IBTK: variants seen among roughly 807,000 people sequenced by gnomAD.
The protein encoded by IBTK is inhibitor of Bruton tyrosine kinase, also known as BTK-binding protein.
In IBTK, 83 loss-of-function variants were observed where a neutral mutation model predicts 154.9. That is an observed-to-expected ratio of 0.54 (90% CI 0.45 to 0.64). IBTK has a LOEUF of 0.64. IBTK is among the 30% of genes least tolerant of loss of function. IBTK has a pLI of 0.00. For synonymous variants in IBTK, 515 were observed against 536.1 expected (o/e 0.96, Z 0.54); for missense variants, 1,332 against 1,584.6 (o/e 0.84, Z 2.71).
At chr6:82,218,255 T>C (rs1176759078) in intron 9 of IBTK, 118 bp from the exon 10 acceptor site, 1 of 561,190 alleles carries the variant, frequency 1.8e-6, no homozygotes. Context: ...TTAGTATGTT[T>C]CAATGTTTAT....
intron 1 of IBTK, 71 bp downstream of exon 1, chr6:82,247,491 T>C: frequency 2.5e-6 from 1 of 398,270 alleles, no homozygotes; most frequent in Non-Finnish European, 4.4e-6. Flanking sequence ...AGAAGGCGAA[T>C]ACTCTCCCCC....
chr6:82,220,493 A>G, intron 9 of IBTK, 97 bp downstream of exon 9: 1 of 1,248,690 alleles, frequency 8.0e-7, no homozygotes, highest in South Asian at 1.7e-5. Flanking sequence ...AGTCAATAGG[A>G]ATTGTCACTA....
At chr6:82,244,135 G>A (rs1002153212) in intron 1 of IBTK, among the ~76,000 whole-genome samples, 6 of 152,156 alleles carry the variant, frequency 3.9e-5, no homozygotes, top group African/African-American at 1.4e-4. Context: ...ACTTCACATG[G>A]TTACTATAAT....
At chr6:82,203,145 A>G (rs376650877) in intron 17 of IBTK, among the ~76,000 whole-genome samples, 2 of 152,164 alleles carry the variant, frequency 1.3e-5, no homozygotes, top group East Asian at 3.8e-4. Context: ...ATGTAAGTAT[A>G]TAAATATATA....
intron 21 of IBTK, 103 bp from the exon 22 acceptor site, chr6:82,196,549 T>C (rs1307162791): frequency 2.1e-5 from 11 of 522,306 alleles, no homozygotes; most frequent in Non-Finnish European, 3.1e-5. Context: ...TATCCAGATT[T>C]AATAACATTC....
chr6:82,229,195 C>G (rs1474864094), intron 4 of IBTK, among the ~76,000 whole-genome samples: 7 of 152,120 alleles, frequency 4.6e-5, no homozygotes, highest in African/African-American at 1.7e-4. Context: ...CACCCTCATT[C>G]TGTGGTAAAT....
intron 17 of IBTK, among the ~76,000 whole-genome samples, chr6:82,203,853 T>C (rs1034163459): frequency 1.3e-5 from 2 of 152,174 alleles, no homozygotes; most frequent in African/African-American, 4.8e-5. Flanking sequence ...ATCAGGGCTG[T>C]TGTTCTCTAT....
chr6:82,208,812 A>T (rs1286816848), intron 16 of IBTK, among the ~76,000 whole-genome samples: 2 of 152,180 alleles, frequency 1.3e-5, no homozygotes, highest in Admixed American at 1.3e-4. Context: ...CAACTCAGAG[A>T]AGGAGAGAAA....
At chr6:82,207,073 A>G (rs1769441659) in intron 16 of IBTK, among the ~76,000 whole-genome samples, 1 of 152,128 alleles carries the variant, frequency 6.6e-6, no homozygotes, top group Non-Finnish European at 1.5e-5. Flanking sequence ...AGTACTAGAG[A>G]TTCATCTAAT....
At chr6:82,232,618 T>C (rs192528035) in intron 3 of IBTK, among the ~76,000 whole-genome samples, 176 of 152,376 alleles carry the variant, frequency 1.2e-3, no homozygotes, top group Non-Finnish European at 1.7e-3. Context: ...ATGCAAACTA[T>C]ACAGTGCCCC....
rs1258958174 is a variant in IBTK at position 82,247,685 on chromosome 6, C to A, written c.-481G>T. 1 of 398,846 alleles carries A rather than the reference C, an allele frequency of 2.5e-6. No homozygotes were observed. The highest frequency in any genetic ancestry group is 4.4e-6 in the Non-Finnish European group (1 of 226,268). The allele number at this position is 398,846 out of a possible 1,614,324, so 24.7% of individuals were successfully genotyped here. A position where few individuals can be genotyped will look rare whatever the true frequency, so the allele number is the denominator to read the frequency against. On this transcript the variant is annotated 5_prime_UTR_variant, in exon 1 of 29. Transcript: ENST00000306270. ...CGCCAGAGGGGCCAGTCCCCAGACC[C>A]GGGTCAGTTCGGCAGGCGGCTGCAA...
In IBTK at chr6:82,247,722, C is replaced by T; in HGVS notation, c.-518G>A. ...GCAGGCGGCTGCAATACAGCCGCTA[C>T]TACAGGAATCGGGAACGGGGATGTA... On this transcript the variant is annotated 5_prime_UTR_variant, in exon 1 of 29. Coordinates refer to ENST00000306270, the MANE Select transcript of IBTK (RefSeq NM_015525.4). 2.5e-6 allele frequency: 1 copy of T among 398,454 alleles called. No individual in the cohort carries two copies. The highest frequency in any genetic ancestry group is 4.4e-6 in the Non-Finnish European group (1 of 226,092). 24.7% of individuals were successfully genotyped at this position (398,454 alleles called of 1,614,324 possible).
chr6:82,211,436 A>T (rs759277774), intron 14 of IBTK, 32 bp from the exon 15 acceptor site: 2 of 1,604,566 alleles, frequency 1.2e-6, no homozygotes, highest in Non-Finnish European at 1.7e-6. Flanking sequence ...TGCAATAAGA[A>T]TAGTGAAACA....
At chr6:82,198,187 T>C (rs1324400329) in intron 21 of IBTK, among the ~76,000 whole-genome samples, 1 of 152,174 alleles carries the variant, frequency 6.6e-6, no homozygotes, top group Non-Finnish European at 1.5e-5. Flanking sequence ...AACAATAACA[T>C]TATTTAAAAC....
At chr6:82,213,324 CG>C (rs1203066418) in intron 12 of IBTK, among the ~76,000 whole-genome samples, 1 of 152,074 alleles carries the variant, frequency 6.6e-6, no homozygotes, top group Non-Finnish European at 1.5e-5. Context: ...CCACCGCGCC[CG>C]GCCCCTTCAT....
At chr6:82,179,705 T>C (rs961557469) in intron 26 of IBTK, among the ~76,000 whole-genome samples, 1 of 152,136 alleles carries the variant, frequency 6.6e-6, no homozygotes, top group African/African-American at 2.4e-5. Flanking sequence ...ACGGACTGAT[T>C]GGGAGGTGAC....
rs11422131 is a variant in IBTK at position 82,197,373 on chromosome 6, A to ATTTTTT, written c.3026-933_3026-928dup. 4.3e-5 allele frequency among the ~76,000 whole-genome samples: 6 copies of ATTTTTT among 138,404 alleles called. 1 individual carries two copies. The highest frequency in any genetic ancestry group is 7.4e-5 in the Admixed American group (1 of 13,476). The allele number at this position is 138,404 out of a possible 152,430, so 90.8% of individuals were successfully genotyped here. ...TTTTTTTGCCACACAATCTTTTTGA[A>ATTTTTT]TTTTTTTTTTTTTTTGAGACAGAGT... On this transcript the variant is annotated intron_variant, in intron 21 of 28. Coordinates refer to ENST00000306270, the MANE Select transcript of IBTK (RefSeq NM_015525.4).
intron 3 of IBTK, among the ~76,000 whole-genome samples, chr6:82,233,669 T>C (rs181179221): frequency 6.6e-6 from 1 of 152,086 alleles, no homozygotes; most frequent in East Asian, 1.9e-4. Flanking sequence ...TTCATTAAAA[T>C]TTTCTAAGCT....
intron 11 of IBTK, among the ~76,000 whole-genome samples, chr6:82,215,035 T>G: frequency 1.3e-5 from 2 of 152,196 alleles, no homozygotes; most frequent in Non-Finnish European, 2.9e-5. Flanking sequence ...TTTATATTTA[T>G]ATTCTATTCT....
Sources: gnomAD v4.1 joint callset for allele counts (sites outside exome capture counted in the v4.1 genomes callset) on GRCh38, gnomAD v4.1.1 for gene constraint, MANE v1.5 for transcripts, NCBI Gene and HGNC (gene_info 2026-07-23, HGNC 2026-07-21) for gene names.